The following HRH2 variants were observed in gnomAD, a reference collection of about 807,000 sequenced individuals.
The protein encoded by HRH2 is histamine receptor H2, also known as histamine H2 receptor.
HRH2 carries 4 observed loss-of-function variants against 20.1 expected under a neutral mutation model. That is an observed-to-expected ratio of 0.20 (90% confidence interval 0.10 to 0.45). HRH2 has a LOEUF of 0.45. HRH2 is among the 20% of genes least tolerant of loss of function. The pLI is 0.99. For synonymous variants in HRH2, 197 were observed against 200.7 expected, an observed-to-expected ratio of 0.98 and a Z score of 0.16; for missense variants, 250 against 461.6, an observed-to-expected ratio of 0.54 and a Z score of 4.20.
intron 1 of HRH2, among the ~76,000 whole-genome samples, chr5:175,666,934 A>G (rs1762914514): frequency 6.6e-6 from 1 of 152,100 alleles, no homozygotes; most frequent in Admixed American, 6.5e-5. Flanking sequence ...CGTCTGTCCA[A>G]TCCCTGCTCA....
chr5:175,706,621 T>C (rs1244497452), intron 2 of HRH2, among the ~76,000 whole-genome samples: 2 of 152,198 alleles, frequency 1.3e-5, no homozygotes, highest in Non-Finnish European at 2.9e-5. Context: ...TGTACACTGC[T>C]AACATGGTAA....
Position 175,686,109 on chromosome 5 carries a change from C to T in HRH2, c.1076+1800C>T, listed in dbSNP as rs1292179253. Reference sequence around the variant, plus strand: ...CTCCAAGTGCACACCTGGAAACTTCCGCTTCCAGTCCTGATGGGTAAAACG... The same window carrying T: ...CTCCAAGTGCACACCTGGAAACTTCTGCTTCCAGTCCTGATGGGTAAAACG... On this transcript the variant is annotated intron_variant, in intron 2 of 2. Coordinates refer to ENST00000636584, the MANE Select transcript of HRH2 (RefSeq NM_001367711.1). The surrounding 1 kb of genome is among the most constrained non-coding windows in gnomAD (Gnocchi z 4.7). The T allele has an allele frequency of 2.0e-5, 3 of 152,346 alleles. No individual in the cohort carries two copies. The highest frequency in any genetic ancestry group is 4.8e-5 in the African/African-American group (2 of 41,448). The allele number at this position is 152,346 out of a possible 1,614,324, so 9.4% of individuals were successfully genotyped here.
At position 175,684,173 on chromosome 5, in the gene HRH2, AAAACTTCTCTGAGGTCCAAC is replaced by A. The variant is rs1208524595; in HGVS notation, c.941_960del (p.Lys314SerfsTer83). 1 of 1,614,024 alleles carries A rather than the reference AAAACTTCTCTGAGGTCCAAC, an allele frequency of 6.2e-7. No homozygotes were observed. The highest frequency in any genetic ancestry group is 1.3e-5 in the African/African-American group (1 of 74,908). On this transcript the variant is annotated frameshift_variant, in exon 2 of 3. Coordinates refer to ENST00000636584, the MANE Select transcript of HRH2 (RefSeq NM_001367711.1). LOFTEE classifies it high-confidence loss of function. ...CAGGCTGGCCAACCGCAACTCCCAC[AAAACTTCTCTGAGGTCCAAC>A]GCCTCTCAGCTGTCCAGGACCCAAA...
chr5:175,697,903 C>T (rs1021433436), intron 2 of HRH2, among the ~76,000 whole-genome samples: 1 of 152,212 alleles, frequency 6.6e-6, no homozygotes, highest in African/African-American at 2.4e-5. Flanking sequence ...TCCACCTCCC[C>T]AAACACCCCT....
chr5:175,705,160 A>G (rs1756905410), intron 2 of HRH2, among the ~76,000 whole-genome samples: 1 of 152,170 alleles, frequency 6.6e-6, no homozygotes, highest in Admixed American at 6.5e-5. Context: ...ATTAATCCAA[A>G]CAGTGTTCTC....
intron 1 of HRH2, among the ~76,000 whole-genome samples, chr5:175,676,475 A>ACCCT (rs1487914926): frequency 1.3e-5 from 2 of 151,954 alleles, no homozygotes; most frequent in Non-Finnish European, 2.9e-5. Flanking sequence ...GGACCACCAC[A>ACCCT]CCCTGTTCCT....
chr5:175,669,369 T>C (rs1170781013), intron 1 of HRH2, among the ~76,000 whole-genome samples: 124 of 150,660 alleles, frequency 8.2e-4, no homozygotes, highest in African/African-American at 3.0e-3. Flanking sequence ...TCTTTCTTTT[T>C]TTTTTTTTTT....
intron 1 of HRH2, among the ~76,000 whole-genome samples, chr5:175,675,237 A>G (rs1755715356): frequency 6.6e-6 from 1 of 152,176 alleles, no homozygotes; most frequent in African/African-American, 2.4e-5. Flanking sequence ...TTATATGCCA[A>G]TTTGTAGTAG....
rs566951174 is a variant in HRH2, at chr5:175,708,131, C to T, written c.*160C>T. On this transcript the variant is annotated 3_prime_UTR_variant, in exon 3 of 3. Transcript: ENST00000636584. ...GGGTGTGGGGTCCTCAGGCCTAGGG[C>T]GGAACAGCCTATTCTGTGCTCAGCA... The T allele has an allele frequency of 7.8e-5, 31 of 396,188 alleles. No homozygotes were observed. Among genetic ancestry groups the T allele is most frequent in the African/African-American group, 5.7e-4 (28 of 48,714 alleles). The allele number at this position is 396,188 out of a possible 1,614,324, so 24.5% of individuals were successfully genotyped here. A position where few individuals can be genotyped will look rare whatever the true frequency, so the allele number is the denominator to read the frequency against.
Position 175,683,133 on chromosome 5 carries a change from T to G in HRH2, c.-101T>G. On this transcript the variant is annotated 5_prime_UTR_variant, in exon 2 of 3. Transcript: ENST00000636584. ...AAAAACTGGACACATTTTGGATCTG[T>G]TGGGAGCTTGGAGTCCAGTGGTTGG... 7.5e-7 allele frequency: 1 copy of G among 1,338,718 alleles called. No homozygotes were observed. The highest frequency in any genetic ancestry group is 1.0e-6 in the Non-Finnish European group (1 of 986,824). The allele number at this position is 1,338,718 out of a possible 1,614,324, so 82.9% of individuals were successfully genotyped here.
chr5:175,664,948 GAT>G, intron 1 of HRH2, among the ~76,000 whole-genome samples: 1 of 152,338 alleles, frequency 6.6e-6, no homozygotes, highest in African/African-American at 2.4e-5. Context: ...CGCACAAAAG[GAT>G]TTTCAGCTGA....
intron 1 of HRH2, among the ~76,000 whole-genome samples, chr5:175,663,586 C>T (rs1045652414): frequency 2.6e-5 from 4 of 152,202 alleles, no homozygotes; most frequent in African/African-American, 9.7e-5. Flanking sequence ...CGTGCACTGT[C>T]TGCATTTCTC....
intron 2 of HRH2, among the ~76,000 whole-genome samples, chr5:175,695,441 G>A (rs1756541812): frequency 6.6e-6 from 1 of 152,218 alleles, no homozygotes; most frequent in African/African-American, 2.4e-5. Context: ...CGCAGGAGTA[G>A]GTAGGAGAAA....
At position 175,707,917 on chromosome 5, in the gene HRH2, A is replaced by T. The variant is rs1756996810; in HGVS notation, c.1215A>T (p.Pro405=). 2.5e-6 allele frequency: 1 copy of T among 399,146 alleles called. No individual in the cohort carries two copies. Among genetic ancestry groups the T allele is most frequent in the East Asian group, 3.6e-5 (1 of 28,080 alleles). The allele number at this position is 399,146 out of a possible 1,614,324, so 24.7% of individuals were successfully genotyped here. ...CGGGGGAGCCACTGTCTGAGGAGCC[A>T]CAGAAGAGACCTCCCCAGAAAGCGG... ...ELSGEPLSEE[P]QKRPPQKAVR... Residue 405 remains proline, a synonymous_variant, in exon 3 of 3, where the codon CCA becomes CCT. Transcript: ENST00000636584.
At chr5:175,694,345 G>T (rs1383318740) in intron 2 of HRH2, among the ~76,000 whole-genome samples, 2 of 152,100 alleles carry the variant, frequency 1.3e-5, no homozygotes, top group Non-Finnish European at 2.9e-5. Context: ...CATCCCCCCA[G>T]TGTAAGTCCC....
chr5:175,699,571 GTTTT>G (rs1402876548), intron 2 of HRH2, among the ~76,000 whole-genome samples: 1 of 149,382 alleles, frequency 6.7e-6, no homozygotes, highest in East Asian at 1.9e-4. Flanking sequence ...GGTTGTTTTT[GTTTT>G]GTTTGTTTGT....
At position 175,681,834 on chromosome 5, in the gene HRH2, A is replaced by C. The variant is rs1339601270; in HGVS notation, c.-525-875A>C. Among the ~76,000 whole-genome samples, 1 of 152,160 alleles carries C rather than the reference A, an allele frequency of 6.6e-6. No individual in the cohort carries two copies. Among genetic ancestry groups the C allele is most frequent in the Non-Finnish European group, 1.5e-5 (1 of 68,028 alleles). On this transcript the variant is annotated intron_variant, in intron 1 of 2. Coordinates refer to ENST00000636584, the MANE Select transcript of HRH2 (RefSeq NM_001367711.1). This position sits in a 1 kb window ranked among gnomAD's most constrained non-coding sequence, Gnocchi z 4.3. Reference sequence around the variant, plus strand: ...GTGAGTTCTGTCCCTGCTGACCTGGATGTGGGATCACGTGTTCTGCCAAGT... The same window carrying C: ...GTGAGTTCTGTCCCTGCTGACCTGGCTGTGGGATCACGTGTTCTGCCAAGT...
At chr5:175,690,268 G>A (rs535547496) in intron 2 of HRH2, among the ~76,000 whole-genome samples, 8 of 152,290 alleles carry the variant, frequency 5.3e-5, no homozygotes, top group South Asian at 4.1e-4. Context: ...AGCTGCTGGG[G>A]GTGCTCTCCT....
chr5:175,690,648 G>T (rs1756338583), intron 2 of HRH2, among the ~76,000 whole-genome samples: 1 of 152,062 alleles, frequency 6.6e-6, no homozygotes, highest in African/African-American at 2.4e-5. Flanking sequence ...GGACAGTTGG[G>T]TGGTTTCTAG....
Sources: allele counts gnomAD v4.1 joint callset (sites outside exome capture counted in the v4.1 genomes callset), GRCh38; gene constraint gnomAD v4.1.1; non-coding constraint Gnocchi (gnomAD v3.1); transcripts MANE v1.5; gene names NCBI Gene and HGNC (gene_info 2026-07-23, HGNC 2026-07-21).